ZMAT4: variants seen among roughly 807,000 people sequenced by gnomAD.
ZMAT4 encodes zinc finger matrin-type 4.
A neutral mutation model predicts 28.7 loss-of-function variants in ZMAT4; 17 were observed. The ratio of observed to expected loss-of-function variants is 0.59; its 90% CI spans 0.41 to 0.89. The LOEUF is 0.89. ZMAT4 is among the 40% of genes least tolerant of loss of function. The pLI, the probability that ZMAT4 is intolerant of heterozygous loss-of-function variation, is 0.00. For synonymous variants in ZMAT4, 117 were observed against 109.2 expected (o/e 1.07, Z -0.44); for missense variants, 240 against 283.8 (o/e 0.85, Z 1.11).
At chr8:40,628,078 G>A (rs188503616) in intron 5 of ZMAT4, among the ~76,000 whole-genome samples, 2 of 152,276 alleles carry the variant, frequency 1.3e-5, no homozygotes, top group East Asian at 3.9e-4. Context: ...AAGAGTTAAG[G>A]GAGGATTTTG....
chr8:40,667,673 T>C (rs543138243), intron 5 of ZMAT4, among the ~76,000 whole-genome samples: 3 of 152,290 alleles, frequency 2.0e-5, no homozygotes, highest in Admixed American at 6.5e-5. Flanking sequence ...ATGGGATCTA[T>C]ACTAAGTGTA....
chr8:40,801,347 A>ATATATATATATAT (rs1174640469), intron 2 of ZMAT4, among the ~76,000 whole-genome samples: 42 of 48,568 alleles, frequency 8.6e-4, no homozygotes, highest in African/African-American at 3.9e-3. Flanking sequence ...TCTTTAAAAA[A>ATATATATATATAT]AAAAATATAT....
At chr8:40,668,333 G>T (rs1185639211) in intron 5 of ZMAT4, among the ~76,000 whole-genome samples, 2 of 151,858 alleles carry the variant, frequency 1.3e-5, no homozygotes, top group Admixed American at 6.6e-5. Context: ...AACCAGGCTT[G>T]GTGGCACGCA....
At chr8:40,562,691 C>T (rs1803787515) in intron 6 of ZMAT4, among the ~76,000 whole-genome samples, 2 of 151,980 alleles carry the variant, frequency 1.3e-5, no homozygotes, top group Non-Finnish European at 2.9e-5. Context: ...ACAAAACTCC[C>T]CAGGCAAACA....
At chr8:40,695,656 T>C (rs1411127041) in intron 4 of ZMAT4, among the ~76,000 whole-genome samples, 1 of 152,126 alleles carries the variant, frequency 6.6e-6, no homozygotes, top group Non-Finnish European at 1.5e-5. Flanking sequence ...CAAATTACAC[T>C]CGAGTTCTAT....
At chr8:40,532,799 T>C (rs1238494660) in intron 6 of ZMAT4, among the ~76,000 whole-genome samples, 18 of 152,046 alleles carry the variant, frequency 1.2e-4, no homozygotes, top group Non-Finnish European at 1.9e-4. Flanking sequence ...ATATCAAGAC[T>C]ATCCTGGCCA....
intron 3 of ZMAT4, among the ~76,000 whole-genome samples, chr8:40,739,181 T>A (rs1811896031): frequency 6.6e-6 from 1 of 152,226 alleles, no homozygotes; most frequent in South Asian, 2.1e-4. Flanking sequence ...TTTGAGAAGC[T>A]TCCAGGAGCC....
chr8:40,729,891 A>T (rs1811465296), intron 3 of ZMAT4, among the ~76,000 whole-genome samples: 1 of 152,006 alleles, frequency 6.6e-6, no homozygotes, highest in Admixed American at 6.6e-5. Flanking sequence ...TTGAGCATAT[A>T]TTTCTTTCTT....
At chr8:40,747,114 T>C (rs1334253481) in intron 3 of ZMAT4, among the ~76,000 whole-genome samples, 1 of 152,150 alleles carries the variant, frequency 6.6e-6, no homozygotes, top group Non-Finnish European at 1.5e-5. Context: ...GCACGAAACT[T>C]GGATTAATGG....
At chr8:40,644,454 C>T (rs1807206914) in intron 5 of ZMAT4, among the ~76,000 whole-genome samples, 1 of 151,876 alleles carries the variant, frequency 6.6e-6, no homozygotes, top group Non-Finnish European at 1.5e-5. Flanking sequence ...TGGGAGCCAA[C>T]AAAAAGAGTT....
chr8:40,658,831 A>C (rs1808055547), intron 5 of ZMAT4, among the ~76,000 whole-genome samples: 1 of 152,160 alleles, frequency 6.6e-6, no homozygotes, highest in Non-Finnish European at 1.5e-5. Flanking sequence ...TGAGGAAAAT[A>C]GCCACAAAAA....
At chr8:40,660,997 C>T (rs1037061248) in intron 5 of ZMAT4, among the ~76,000 whole-genome samples, 3 of 152,116 alleles carry the variant, frequency 2.0e-5, no homozygotes, top group Non-Finnish European at 2.9e-5. Flanking sequence ...CTTGGTATTC[C>T]AGGGTTTATC....
intron 5 of ZMAT4, among the ~76,000 whole-genome samples, chr8:40,646,008 T>C (rs962230270): frequency 2.0e-5 from 3 of 152,030 alleles, no homozygotes; most frequent in East Asian, 3.9e-4. Context: ...TTTGTAATAA[T>C]TTCACACAAA....
chr8:40,860,836 C>T (rs143800124), intron 1 of ZMAT4, among the ~76,000 whole-genome samples: 2 of 152,142 alleles, frequency 1.3e-5, no homozygotes, highest in Non-Finnish European at 2.9e-5. Context: ...GCAGTGCAAT[C>T]GGACCAATGA....
At chr8:40,595,939 C>G (rs1805077355) in intron 5 of ZMAT4, among the ~76,000 whole-genome samples, 2 of 151,972 alleles carry the variant, frequency 1.3e-5, no homozygotes, top group African/African-American at 4.8e-5. Flanking sequence ...CAAAAATTAG[C>G]CAGGCATGGT....
chr8:40,574,590 TTTGA>T (rs568050226), intron 6 of ZMAT4, among the ~76,000 whole-genome samples: 130 of 152,230 alleles, frequency 8.5e-4, no homozygotes, highest in African/African-American at 3.1e-3. Context: ...ACAACTAAAA[TTTGA>T]TTGGAGTGTC....
At chr8:40,752,252 C>A (rs545516043) in intron 3 of ZMAT4, among the ~76,000 whole-genome samples, 1 of 152,324 alleles carries the variant, frequency 6.6e-6, no homozygotes, top group Non-Finnish European at 1.5e-5. Context: ...GGCATCAGCA[C>A]AATTGCAGGG....
At chr8:40,737,367 T>A (rs1398285109) in intron 3 of ZMAT4, among the ~76,000 whole-genome samples, 2 of 151,744 alleles carry the variant, frequency 1.3e-5, no homozygotes, top group Non-Finnish European at 2.9e-5. Context: ...AAGGATGAGA[T>A]CTCTGGGTGG....
chr8:40,856,980 T>G (rs1245125422), intron 1 of ZMAT4, among the ~76,000 whole-genome samples: 3 of 152,172 alleles, frequency 2.0e-5, no homozygotes, highest in Admixed American at 1.3e-4. Context: ...TGTTCTCCAC[T>G]AAAGTCATAA....
Sources: allele counts gnomAD v4.1 joint callset (sites outside exome capture counted in the v4.1 genomes callset), GRCh38; gene constraint gnomAD v4.1.1; transcripts MANE v1.5; gene names NCBI Gene and HGNC (gene_info 2026-07-23, HGNC 2026-07-21).